KIAA0040: variants seen among roughly 807,000 people sequenced by gnomAD.
KIAA0040 encodes the protein KIAA0040.
In KIAA0040, 10 loss-of-function variants were observed where a neutral mutation model predicts 7.2. That is an observed-to-expected ratio of 1.38 (90% confidence interval 0.85 to 2.34). KIAA0040 has a LOEUF of 2.34. KIAA0040 is among the 30% of genes most tolerant of loss of function. The pLI is 0.00. For synonymous variants in KIAA0040, 49 were observed against 40.1 expected (o/e 1.22, Z -0.84); for missense variants, 89 against 108.2 (o/e 0.82, Z 0.79).
chr1:175,176,668 G>GATTTTTTTT (rs1491339555), intron 2 of KIAA0040, among the ~76,000 whole-genome samples: 1 of 19,400 alleles, frequency 5.2e-5, no homozygotes, highest in Non-Finnish European at 1.5e-4. Flanking sequence ...TAAGTAGCAT[G>GATTTTTTTT]CTTTTTTTTT....
intron 2 of KIAA0040, 21 bp downstream of exon 2, chr1:175,177,590 T>C (rs760879932): frequency 4.6e-5 from 7 of 152,228 alleles, no homozygotes; most frequent in Non-Finnish European, 1.0e-4. Flanking sequence ...GATTGAGGAA[T>C]GAGAAGAAGT....
intron 3 of KIAA0040, among the ~76,000 whole-genome samples, chr1:175,162,847 G>A (rs1242998619): frequency 6.6e-6 from 1 of 152,156 alleles, no homozygotes; most frequent in Non-Finnish European, 1.5e-5. Flanking sequence ...GTACAAATTG[G>A]CACCTACTAC....
At chr1:175,175,891 G>A (rs1229777158) in intron 2 of KIAA0040, among the ~76,000 whole-genome samples, 1 of 152,080 alleles carries the variant, frequency 6.6e-6, no homozygotes, top group South Asian at 2.1e-4. Context: ...TCAGGGGAGG[G>A]GGAAGGGATA....
intron 2 of KIAA0040, 78 bp downstream of exon 2, chr1:175,177,533 G>A (rs1463766041): frequency 2.6e-5 from 4 of 152,242 alleles, no homozygotes; most frequent in Admixed American, 2.0e-4. Flanking sequence ...TGCCCTAGGA[G>A]CCAAATTCTT....
chr1:175,179,010 G>A (rs1571208340), intron 1 of KIAA0040, among the ~76,000 whole-genome samples: 1 of 151,956 alleles, frequency 6.6e-6, no homozygotes, highest in African/African-American at 2.4e-5. Flanking sequence ...GGCTGTGCCA[G>A]CTCCTGGGCT....
chr1:175,190,793 G>A (rs1677838630), intron 1 of KIAA0040, among the ~76,000 whole-genome samples: 1 of 152,112 alleles, frequency 6.6e-6, no homozygotes, highest in African/African-American at 2.4e-5. Flanking sequence ...AAATCTGACC[G>A]GATCCTTCCT....
chr1:175,160,942 G>A lies in KIAA0040; in HGVS notation c.72C>T (p.Tyr24=), dbSNP rs746223483. The stretch of plus-strand genomic sequence containing the variant: ...GGAGGACTCCCAGGCAGATGGTGTT[G>A]TAGATGCCTTCTTGGTGTTTGGTCA... ...TILTKHQEGI[Y]NTICLGVLLG... is the part of the protein sequence containing the mutation. Residue 24 remains tyrosine (Y), a synonymous_variant, in exon 4 of 4, where the codon TAC becomes TAT. Coordinates refer to ENST00000423313, the MANE Select transcript of KIAA0040 (RefSeq NM_014656.3). 31 of 1,551,602 alleles carry A rather than the reference G, an allele frequency of 2.0e-5. No individual in the cohort carries two copies. The highest frequency in any genetic ancestry group is 2.6e-5 in the Non-Finnish European group (30 of 1,146,974).
intron 2 of KIAA0040, among the ~76,000 whole-genome samples, chr1:175,173,404 G>C (rs144283675): frequency 6.6e-6 from 1 of 152,084 alleles, no homozygotes. Context: ...TGGAATCAAG[G>C]GTTTACAGAC....
intron 1 of KIAA0040, among the ~76,000 whole-genome samples, chr1:175,190,279 G>A (rs1051375377): frequency 3.0e-4 from 46 of 152,170 alleles, no homozygotes; most frequent in African/African-American, 1.1e-3. Flanking sequence ...AAAGTCATCT[G>A]GAAGTCAACA....
intron 1 of KIAA0040, among the ~76,000 whole-genome samples, chr1:175,178,341 C>T (rs1299303692): frequency 1.3e-5 from 2 of 152,230 alleles, no homozygotes; most frequent in African/African-American, 4.8e-5. Flanking sequence ...GCTGCCTTTT[C>T]TTGGCCTCTG....
In KIAA0040 at chr1:175,157,121, T is replaced by A. The variant is rs1676301783; in HGVS notation, c.*3593A>T. Reference sequence around the variant, plus strand: ...CACATACACACAGTTTTTGCCCTAGTGGCTACTATAGAGGTTTTTGATCCC... The same window carrying A: ...CACATACACACAGTTTTTGCCCTAGAGGCTACTATAGAGGTTTTTGATCCC... On this transcript the variant is annotated 3_prime_UTR_variant, in exon 4 of 4. Coordinates refer to ENST00000423313, the MANE Select transcript of KIAA0040 (RefSeq NM_014656.3). The A allele has an allele frequency of 6.6e-6, 1 of 152,158 alleles. No homozygotes were observed. Among genetic ancestry groups the A allele is most frequent in the Non-Finnish European group, 1.5e-5 (1 of 68,044 alleles). 9.4% of individuals were successfully genotyped at this position (152,158 alleles called of 1,614,324 possible).
intron 2 of KIAA0040, among the ~76,000 whole-genome samples, chr1:175,171,294 G>A (rs1402545671): frequency 2.0e-5 from 3 of 152,118 alleles, no homozygotes; most frequent in African/African-American, 4.8e-5. Context: ...CTGCTGTCAC[G>A]CTGGTTTCCA....
chr1:175,166,211 C>A (rs933537790), intron 3 of KIAA0040, among the ~76,000 whole-genome samples: 1 of 152,216 alleles, frequency 6.6e-6, no homozygotes, highest in South Asian at 2.1e-4. Context: ...TTTGCTCAAA[C>A]AGCTCCATTG....
At chr1:175,173,333 G>T (rs1353848675) in intron 2 of KIAA0040, among the ~76,000 whole-genome samples, 1 of 152,212 alleles carries the variant, frequency 6.6e-6, no homozygotes, top group Non-Finnish European at 1.5e-5. Context: ...AACAAGGAAT[G>T]ATCTGTTGAA....
chr1:175,189,006 C>A (rs1484433756), intron 1 of KIAA0040, among the ~76,000 whole-genome samples: 1 of 152,194 alleles, frequency 6.6e-6, no homozygotes, highest in African/African-American at 2.4e-5. Context: ...CATTAACCAG[C>A]TCTGTGACTG....
At chr1:175,186,698 GCA>G (rs949112715) in intron 1 of KIAA0040, among the ~76,000 whole-genome samples, 1 of 152,192 alleles carries the variant, frequency 6.6e-6, no homozygotes, top group Non-Finnish European at 1.5e-5. Flanking sequence ...ACCAAGAAAA[GCA>G]CAGTCTTTGG....
chr1:175,182,010 A>G (rs1225385026), intron 1 of KIAA0040, among the ~76,000 whole-genome samples: 1 of 152,144 alleles, frequency 6.6e-6, no homozygotes, highest in Non-Finnish European at 1.5e-5. Flanking sequence ...TTTAATTGCC[A>G]TGGCATTCCA....
At chr1:175,168,503 A>G (rs1409080941) in intron 2 of KIAA0040, among the ~76,000 whole-genome samples, 1 of 152,222 alleles carries the variant, frequency 6.6e-6, no homozygotes, top group Non-Finnish European at 1.5e-5. Context: ...GAACAAAAGC[A>G]CAAATAGAGC....
At chr1:175,192,360 C>A (rs545278927) in intron 1 of KIAA0040, among the ~76,000 whole-genome samples, 23 of 152,144 alleles carry the variant, frequency 1.5e-4, no homozygotes, top group Non-Finnish European at 3.2e-4. Flanking sequence ...AGCGCTCCTA[C>A]CGGCAGCTGG....
Sources: allele counts gnomAD v4.1 joint callset (sites outside exome capture counted in the v4.1 genomes callset), GRCh38; gene constraint gnomAD v4.1.1; transcripts MANE v1.5; gene names NCBI Gene and HGNC (gene_info 2026-07-23, HGNC 2026-07-21).